MYO9A: variants seen among roughly 807,000 people sequenced by gnomAD.
The protein encoded by MYO9A is myosin IXA.
Under a neutral mutation model 293.3 loss-of-function variants are expected in MYO9A, and 103 were observed. That is an observed-to-expected ratio of 0.35 (90% confidence interval 0.30 to 0.41). The LOEUF (loss-of-function observed/expected upper bound fraction) is 0.41. MYO9A is among the 10% of genes least tolerant of loss of function. The probability of loss-of-function intolerance (pLI) is 1.00; values close to 1 mark genes in which losing one functional copy is unlikely to be tolerated. For missense variants in MYO9A, 2,685 were observed against 3,033.0 expected, an observed-to-expected ratio of 0.89 and a Z score of 2.69; for synonymous variants, 1,001 against 1,035.7, an observed-to-expected ratio of 0.97 and a Z score of 0.64.
intron 15 of MYO9A, among the ~76,000 whole-genome samples, chr15:71,942,041 C>G (rs1484676234): frequency 6.6e-6 from 1 of 151,802 alleles, no homozygotes; most frequent in African/African-American, 2.4e-5. Context: ...TTAACTACAC[C>G]AACAAATCAA....
At chr15:72,077,822 A>C (rs1186296540) in intron 1 of MYO9A, among the ~76,000 whole-genome samples, 1 of 150,286 alleles carries the variant, frequency 6.7e-6, no homozygotes, top group Non-Finnish European at 1.5e-5. Flanking sequence ...CTTAAAACAC[A>C]ATAATAAGGA....
chr15:71,998,217 G>A (rs2076755208), intron 9 of MYO9A, among the ~76,000 whole-genome samples: 1 of 152,130 alleles, frequency 6.6e-6, no homozygotes, highest in African/African-American at 2.4e-5. Context: ...ACTAACGCAG[G>A]AACAGAAAAC....
At chr15:72,106,703 C>G (rs1187632925) in intron 1 of MYO9A, among the ~76,000 whole-genome samples, 1 of 152,030 alleles carries the variant, frequency 6.6e-6, no homozygotes, top group African/African-American at 2.4e-5. Flanking sequence ...TGGGCTCAAG[C>G]AAACCTCCCA....
intron 1 of MYO9A, among the ~76,000 whole-genome samples, chr15:72,102,339 CA>C (rs1310913093): frequency 2.0e-5 from 3 of 151,090 alleles, no homozygotes; most frequent in Non-Finnish European, 4.4e-5. Flanking sequence ...CCCAGGGACA[CA>C]AATACTGCGG....
chr15:72,018,717 A>C (rs1472410990), intron 6 of MYO9A, among the ~76,000 whole-genome samples: 1 of 152,204 alleles, frequency 6.6e-6, no homozygotes, highest in Non-Finnish European at 1.5e-5. Flanking sequence ...AAGGGGAAAA[A>C]AACCATAGTT....
chr15:72,006,810 T>C (rs1191573451), intron 8 of MYO9A, among the ~76,000 whole-genome samples: 3 of 152,232 alleles, frequency 2.0e-5, no homozygotes, highest in Admixed American at 6.5e-5. Context: ...CTAAGTAATT[T>C]TGGAAATGAG....
At chr15:71,989,667 GA>G in intron 11 of MYO9A, among the ~76,000 whole-genome samples, 2 of 151,960 alleles carry the variant, frequency 1.3e-5, no homozygotes, top group Admixed American at 6.5e-5. Context: ...AAAGAAAAAA[GA>G]AAAAAACAAT....
At chr15:72,039,441 T>C (rs910046967) in intron 2 of MYO9A, among the ~76,000 whole-genome samples, 14 of 152,036 alleles carry the variant, frequency 9.2e-5, no homozygotes, top group Admixed American at 3.9e-4. Flanking sequence ...TTTTTGTTTA[T>C]ATATATTTAT....
At chr15:71,935,734 A>G (rs1378583479) in intron 16 of MYO9A, among the ~76,000 whole-genome samples, 2 of 152,140 alleles carry the variant, frequency 1.3e-5, no homozygotes, top group Admixed American at 1.3e-4. Context: ...CATGTAGCTG[A>G]TATCTTTAAA....
intron 15 of MYO9A, among the ~76,000 whole-genome samples, chr15:71,950,778 C>T (rs2059030859): frequency 6.6e-6 from 1 of 152,150 alleles, no homozygotes; most frequent in African/African-American, 2.4e-5. Flanking sequence ...TCACTGACAA[C>T]TGGATAGTAA....
intron 19 of MYO9A, among the ~76,000 whole-genome samples, chr15:71,913,795 G>C (rs2057929394): frequency 6.6e-6 from 1 of 152,114 alleles, no homozygotes. Flanking sequence ...TGTGAGAGCA[G>C]GGCCAGAGCA....
At chr15:71,975,159 T>C (rs901549176) in intron 12 of MYO9A, among the ~76,000 whole-genome samples, 6 of 152,208 alleles carry the variant, frequency 3.9e-5, no homozygotes, top group African/African-American at 1.2e-4. Context: ...GACATATTCA[T>C]ACAACATGAT....
At chr15:72,008,857 G>A (rs776472176) in intron 7 of MYO9A, among the ~76,000 whole-genome samples, 26 of 151,856 alleles carry the variant, frequency 1.7e-4, no homozygotes, top group Non-Finnish European at 2.9e-4. Flanking sequence ...GAATAAATAC[G>A]GCTTACAAAA....
At position 71,938,874 on chromosome 15, in the gene MYO9A, C is replaced by G; in HGVS notation, c.2356G>C (p.Ala786Pro). ...TPLSDLQGMN[A>P]LNEKNQHDTF... Reference sequence around the variant, plus strand: ...TACTGTTGGTTTTTTTCATTTAGAGCATTCATGCCCTGGAGATCAGAAAGA... The same window carrying G: ...TACTGTTGGTTTTTTTCATTTAGAGGATTCATGCCCTGGAGATCAGAAAGA... Residue 786 changes from alanine (A) to proline (P), a missense_variant, in exon 16 of 42, where the codon GCT becomes CCT. Physicochemically the swap from Ala to Pro is conservative, Grantham distance 27 (BLOSUM62 -1). Around this residue, in one of 10 missense-constraint regions of MYO9A, gnomAD observed 1,434 missense variants for 1,497.7 expected, o/e 0.96. Transcript: ENST00000356056. 6.2e-7 allele frequency: 1 copy of G among 1,609,594 alleles called. No homozygotes were observed. Among genetic ancestry groups the G allele is most frequent in the African/African-American group, 1.3e-5 (1 of 74,664 alleles).
intron 37 of MYO9A, among the ~76,000 whole-genome samples, chr15:71,851,007 A>G (rs2055625294): frequency 6.6e-6 from 1 of 152,150 alleles, no homozygotes; most frequent in African/African-American, 2.4e-5. Context: ...GCTAAACTAC[A>G]CACTGCCACC....
intron 12 of MYO9A, among the ~76,000 whole-genome samples, chr15:71,971,828 C>T (rs1273513343): frequency 6.6e-6 from 1 of 151,166 alleles, no homozygotes; most frequent in Non-Finnish European, 1.5e-5. Context: ...TATAGGTTTT[C>T]ATCCACGGTT....
At chr15:71,997,611 G>A (rs2957733) in intron 9 of MYO9A, among the ~76,000 whole-genome samples, 140,969 of 152,036 alleles carry the variant, frequency 0.93, 65,691 homozygotes, top group Non-Finnish European at 0.97. Context: ...AAAAATAAAT[G>A]AATACACCAA....
At position 72,011,666 on chromosome 15, in the gene MYO9A, G is replaced by T. The variant is rs530424782; in HGVS notation, c.1156-1219C>A. 1.2e-3 allele frequency among the ~76,000 whole-genome samples: 177 copies of T among 152,240 alleles called. 2 individuals are homozygous for T. The highest frequency in any genetic ancestry group is 2.2e-3 in the Non-Finnish European group (152 of 68,010). On this transcript the variant is annotated intron_variant, in intron 6 of 41. Transcript: ENST00000356056. ...TTTTAAGCATAATCCTTGCATTTCA[G>T]TTCCTAAAATAGTCAAACAGTGGTA...
chr15:72,100,527 C>G (rs1046651583), intron 1 of MYO9A, among the ~76,000 whole-genome samples: 2 of 147,798 alleles, frequency 1.4e-5, no homozygotes, highest in African/African-American at 2.5e-5. Context: ...GCGCCTCTTT[C>G]CGGCCGCCAT....
Sources: gnomAD v4.1 joint callset for allele counts (sites outside exome capture counted in the v4.1 genomes callset) on GRCh38, gnomAD v4.1.1 for gene constraint, gnomAD v4.1.1 regional missense constraint, MANE v1.5 for transcripts, NCBI Gene and HGNC (gene_info 2026-07-23, HGNC 2026-07-21) for gene names.